PYROXD2: variants seen among roughly 807,000 people sequenced by gnomAD.
PYROXD2 encodes pyridine nucleotide-disulphide oxidoreductase domain 2, also known as pyridine nucleotide-disulfide oxidoreductase domain-containing protein 2.
In PYROXD2, 69 loss-of-function variants were observed where a neutral mutation model predicts 71.1. That is an observed-to-expected ratio of 0.97 (90% CI 0.80 to 1.19). The LOEUF is 1.19. Among genes scored for constraint, PYROXD2 ranks in the 50% most tolerant of loss-of-function variants. PYROXD2 has a pLI of 0.00. For missense variants in PYROXD2, 745 were observed against 748.9 expected (o/e 0.99, Z 0.06); for synonymous variants, 287 against 302.7 (o/e 0.95, Z 0.54).
intron 7 of PYROXD2, 25 bp from the exon 8 acceptor site, chr10:98,395,318 AG>A (rs771222285): frequency 1.3e-5 from 21 of 1,613,878 alleles, no homozygotes; most frequent in Non-Finnish European, 1.8e-5. Context: ...AGCAGAGAGA[AG>A]GGCTTAGGAG....
chr10:98,392,676 T>A (rs1842987674), intron 9 of PYROXD2, 110 bp from the exon 10 acceptor site: 2 of 1,512,072 alleles, frequency 1.3e-6, no homozygotes, highest in Non-Finnish European at 1.8e-6. Context: ...AACTTCTTCA[T>A]CCCAAACCCA....
At position 98,390,732 on chromosome 10, in the gene PYROXD2, G is replaced by C. The variant is rs910400770; in HGVS notation, c.1158C>G (p.Ser386Arg). The C allele has an allele frequency of 6.2e-7, 1 of 1,604,352 alleles. No individual in the cohort carries two copies. The highest frequency in any genetic ancestry group is 1.3e-5 in the African/African-American group (1 of 74,764). The change falls in exon 12 of 16, where the codon AGC becomes AGG. Residue 386 changes from serine (S) to arginine (R), a missense_variant. Ser to Arg is a moderately radical substitution (Grantham distance 110). Transcript: ENST00000370575. The part of the protein sequence containing the change: ...KINVAVDRLP[S>R]FLAAPNAPRG... Reference sequence around the variant, plus strand: ...TGGGAGCATTGGGGGCCGCCAGGAAGCTGGGCAGCCTGTCTACGGCCACTG... The same window carrying C: ...TGGGAGCATTGGGGGCCGCCAGGAACCTGGGCAGCCTGTCTACGGCCACTG...
intron 8 of PYROXD2, among the ~76,000 whole-genome samples, chr10:98,394,543 A>AACACACACACACACACACACAC (rs58461142): frequency 1.4e-5 from 2 of 141,818 alleles, no homozygotes; most frequent in Non-Finnish European, 3.1e-5. Context: ...TCTCCATCCC[A>AACACACACACACACACACACAC]ACACACACAC....
In PYROXD2 at chr10:98,413,480, C is replaced by G. The variant is rs182242305; in HGVS notation, c.127+1529G>C. On this transcript the variant is annotated intron_variant, in intron 1 of 15. Coordinates refer to ENST00000370575, the MANE Select transcript of PYROXD2 (RefSeq NM_032709.3). ...CCTGTAATCCCAGCCCTTTGGGAGG[C>G]TGAGGCAGGTGGATCACAAGGCCAG... Among the ~76,000 whole-genome samples the G allele has an allele frequency of 4.0e-3, 614 of 152,280 alleles. 6 individuals carry two copies. The highest frequency in any genetic ancestry group is 0.014 in the African/African-American group (582 of 41,550).
intron 1 of PYROXD2, 127 bp downstream of exon 1, chr10:98,414,882 C>T: frequency 7.2e-7 from 1 of 1,398,098 alleles, no homozygotes; most frequent in South Asian, 1.6e-5. Flanking sequence ...AGCGTATAAA[C>T]TTCTGGCTGG....
chr10:98,415,072 G>T lies in PYROXD2; in HGVS notation c.64C>A (p.Arg22=). The change falls in exon 1 of 16, where the codon CGA becomes AGA. Residue 22 remains arginine, a synonymous_variant. Transcript: ENST00000370575. ...VAASPFPAWR[R]DNTEARGGLK... ...CCTCCCCTGGCTTCCGTGTTATCTC[G>T]TCTCCACGCCGGGAAGGGAGAGGCG... 1.2e-6 allele frequency: 2 copies of T among 1,613,816 alleles called. No homozygotes were observed. Among genetic ancestry groups the T allele is most frequent in the Non-Finnish European group, 1.7e-6 (2 of 1,179,766 alleles).
chr10:98,400,198 C>G lies in PYROXD2; in HGVS notation c.375G>C (p.Glu125Asp), dbSNP rs1176301844. The change falls in exon 5 of 16, where the codon GAG (glutamate) becomes GAC (aspartate). Residue 125 changes from glutamate to aspartate, a missense_variant. Physicochemically the swap from Glu to Asp is conservative, Grantham distance 45. Transcript: ENST00000370575. Reference protein sequence around the residue: ...NPYSFTPMLEEGAGSKVPRCL... With the variant: ...NPYSFTPMLEDGAGSKVPRCL... Reference sequence around the variant, plus strand: ...ACCTGGGCACCTTGCTGCCTGCACCCTCTTCCAGCATGGGGGTGAAGGAGT... The same window carrying G: ...ACCTGGGCACCTTGCTGCCTGCACCGTCTTCCAGCATGGGGGTGAAGGAGT... 1 of 1,613,212 alleles carries G rather than the reference C, an allele frequency of 6.2e-7. No individual in the cohort carries two copies. The highest frequency in any genetic ancestry group is 1.1e-5 in the South Asian group (1 of 90,764).
In PYROXD2 at chr10:98,390,587, A is replaced by C. The variant is rs367885019; in HGVS notation, c.1292+11T>G. The C allele has an allele frequency of 6.9e-5, 109 of 1,570,734 alleles. No homozygotes were observed. Among genetic ancestry groups the C allele is most frequent in the Non-Finnish European group, 7.0e-5 (81 of 1,158,656 alleles). On this transcript the variant is annotated intron_variant, in intron 12 of 15. Coordinates refer to ENST00000370575, the MANE Select transcript of PYROXD2 (RefSeq NM_032709.3). ...AAGAACATCAGGGAACATAAAGTCC[A>C]GGGCCCCTACCTGTGGGAAGGCAGG... is the stretch of plus-strand genomic sequence containing the variant.
intron 1 of PYROXD2, among the ~76,000 whole-genome samples, chr10:98,413,588 C>T (rs1843862173): frequency 6.6e-6 from 1 of 152,086 alleles, no homozygotes; most frequent in South Asian, 2.1e-4. Context: ...GTGGTGGGCG[C>T]CTGTAGTCCC....
chr10:98,401,023 G>A (rs1166671076), intron 4 of PYROXD2, among the ~76,000 whole-genome samples: 2 of 152,094 alleles, frequency 1.3e-5, no homozygotes, highest in South Asian at 4.1e-4. Flanking sequence ...GGAGTCCAAG[G>A]CGGGCAGATC....
intron 4 of PYROXD2, among the ~76,000 whole-genome samples, chr10:98,405,162 C>G (rs138455084): frequency 6.6e-6 from 1 of 152,170 alleles, no homozygotes; most frequent in South Asian, 2.1e-4. Flanking sequence ...CATCATCCAG[C>G]GCAGGGCCGC....
rs778592317 is a variant in PYROXD2 at position 98,392,546 on chromosome 10, C to G, written c.948G>C (p.Val316=). 5.6e-6 allele frequency: 9 copies of G among 1,612,478 alleles called. No individual in the cohort carries two copies. Among genetic ancestry groups the G allele is most frequent in the Non-Finnish European group, 7.6e-6 (9 of 1,180,018 alleles). Residue 316 remains valine (V), a synonymous_variant, in exon 10 of 16, where the codon GTG becomes GTC. Transcript: ENST00000370575. ...CTCCTTGAACACAGCCTTCACTGTT[C>G]ACCTGCACCTTCGCCACTGTCTAGA... The part of the protein sequence containing the change: ...FTEKTVAKVQ[V]NSEGCVQGVV...
At chr10:98,414,494 G>A (rs1366983727) in intron 1 of PYROXD2, among the ~76,000 whole-genome samples, 1 of 152,148 alleles carries the variant, frequency 6.6e-6, no homozygotes, top group Non-Finnish European at 1.5e-5. Flanking sequence ...GGAACTCTGG[G>A]ACTCAGTTCT....
intron 1 of PYROXD2, among the ~76,000 whole-genome samples, chr10:98,414,555 G>A (rs1428090848): frequency 6.6e-6 from 1 of 152,178 alleles, no homozygotes; most frequent in African/African-American, 2.4e-5. Flanking sequence ...TTGTGACGAG[G>A]GGTGGCCTCA....
chr10:98,390,963 T>A, intron 11 of PYROXD2, 47 bp downstream of exon 11: 2 of 1,504,334 alleles, frequency 1.3e-6, no homozygotes, highest in Non-Finnish European at 1.9e-6. Context: ...GGTTTCTCAC[T>A]CAGATGGGTC....
intron 14 of PYROXD2, 63 bp from the exon 15 acceptor site, chr10:98,385,130 G>A (rs1842710899): frequency 1.1e-5 from 17 of 1,590,262 alleles, no homozygotes; most frequent in African/African-American, 1.4e-5. Flanking sequence ...CTCTGGCTGG[G>A]TTTCTTCCCC....
intron 14 of PYROXD2, among the ~76,000 whole-genome samples, chr10:98,385,976 A>G (rs1842735888): frequency 6.6e-6 from 1 of 152,186 alleles, no homozygotes; most frequent in Non-Finnish European, 1.5e-5. Context: ...TAGTAGCTAC[A>G]TTTAAAAAGT....
In PYROXD2 at chr10:98,414,953, G is replaced by A. The variant is rs1018534250; in HGVS notation, c.127+56C>T. The A allele has an allele frequency of 4.0e-5, 64 of 1,581,686 alleles. No individual in the cohort carries two copies. In the Admixed American group the frequency reaches 9.9e-4, roughly 24 times the overall value. ...CCCCTCCCCCTCCCCACCAAGCTCT[G>A]AGCAGGGCTGTCTTCCCGCCCCTCA... is the stretch of plus-strand genomic sequence containing the variant. On this transcript the variant is annotated intron_variant, in intron 1 of 15. Coordinates refer to ENST00000370575, the MANE Select transcript of PYROXD2 (RefSeq NM_032709.3).
chr10:98,410,697 G>A (rs2136035434), intron 2 of PYROXD2: 1 of 574,096 alleles, frequency 1.7e-6, no homozygotes, highest in East Asian at 3.0e-5. Context: ...CAGGCCATGG[G>A]GAAACCACCT....
Sources: gnomAD v4.1 joint callset for allele counts (sites outside exome capture counted in the v4.1 genomes callset) on GRCh38, gnomAD v4.1.1 for gene constraint, MANE v1.5 for transcripts, NCBI Gene and HGNC (gene_info 2026-07-23, HGNC 2026-07-21) for gene names.